The following STAT5B variants were observed in gnomAD, a reference collection of about 807,000 sequenced individuals.
STAT5B encodes the protein transcription factor STAT5B.
Under a neutral mutation model 107.8 loss-of-function variants are expected in STAT5B, and 21 were observed. The ratio of observed to expected loss-of-function variants is 0.19; its 90% CI spans 0.14 to 0.28. STAT5B has a LOEUF of 0.28. Among genes scored for constraint, STAT5B ranks in the 10% least tolerant of loss-of-function variants. The probability of loss-of-function intolerance (pLI) is 1.00; values close to 1 mark genes in which losing one functional copy is unlikely to be tolerated. For missense variants in STAT5B, 565 were observed against 1,008.2 expected (o/e 0.56, Z 5.95); for synonymous variants, 325 against 401.7 (o/e 0.81, Z 2.28).
chr17:42,280,983 A>T (rs1187246340), upstream of STAT5B, among the ~76,000 whole-genome samples: 1 of 151,676 alleles, frequency 6.6e-6, no homozygotes, highest in African/African-American at 2.4e-5. Flanking sequence ...AAATACCAAA[A>T]ATTAGCCGGG....
In STAT5B at chr17:42,207,579, C is replaced by A; in HGVS notation, c.2056G>T (p.Val686Phe). ...DEVYSKYYTP[V>F]PCESATAKAV... ...TTACCAGTAGCAGACTCGCAGGGAACTGGTGTGTAGTATTTGGAGTATACT... is the reference window on the plus strand; with the variant it reads ...TTACCAGTAGCAGACTCGCAGGGAAATGGTGTGTAGTATTTGGAGTATACT... The change falls in exon 16 of 19, where the codon GTT (valine) becomes TTT (phenylalanine). Residue 686 changes from valine (V) to phenylalanine (F), a missense_variant. Val to Phe is a conservative substitution (Grantham distance 50, BLOSUM62 -1). This residue lies in a region of STAT5B where 38 missense variants were observed against 79.5 expected (regional missense o/e 0.48). Transcript: ENST00000293328. 6.2e-7 allele frequency: 1 copy of A among 1,613,734 alleles called. No individual in the cohort carries two copies. Among genetic ancestry groups the A allele is most frequent in the African/African-American group, 1.3e-5 (1 of 74,856 alleles).
chr17:42,288,006 C>A, the STAT5B span: 1 of 152,210 alleles, frequency 6.6e-6, no homozygotes, highest in East Asian at 1.9e-4. The surrounding 1 kb of genome is among the most constrained non-coding windows in gnomAD (Gnocchi z 4.8). Flanking sequence ...CACACATGCG[C>A]ACACACGCGC....
At position 42,202,805 on chromosome 17, in the gene STAT5B, T is replaced by C. The variant is rs1335892852; in HGVS notation, c.2081A>G (p.Lys694Arg). Residue 694 changes from lysine to arginine, a missense_variant, in exon 17 of 19, where the codon AAA (lysine) becomes AGA (arginine). Around this residue, in one of 11 missense-constraint regions of STAT5B, gnomAD observed 38 missense variants for 79.5 expected, o/e 0.48. Coordinates refer to ENST00000293328, the MANE Select transcript of STAT5B (RefSeq NM_012448.4). ...TGGCTTCACGTATCCATCAACAGCT[T>C]TAGCTGCCAAGGGAAGAATGTAGTA... Reference protein sequence around the residue: ...TPVPCESATAKAVDGYVKPQI... With the variant: ...TPVPCESATARAVDGYVKPQI... 1 of 1,614,192 alleles carries C rather than the reference T, an allele frequency of 6.2e-7. No homozygotes were observed. The highest frequency in any genetic ancestry group is 8.5e-7 in the Non-Finnish European group (1 of 1,180,036).
At chr17:42,232,809 C>T (rs1225933168) in intron 1 of STAT5B, among the ~76,000 whole-genome samples, 1 of 149,674 alleles carries the variant, frequency 6.7e-6, no homozygotes, top group Admixed American at 6.7e-5. Context: ...TGGTAAGCAG[C>T]ATTTCAACAG....
At chr17:42,280,450 C>CA (rs760407108), upstream of STAT5B, among the ~76,000 whole-genome samples, 17 of 152,162 alleles carry the variant, frequency 1.1e-4, no homozygotes, top group Non-Finnish European at 1.8e-4. Context: ...TCACTGAAGC[C>CA]ACAACCATGA....
intron 1 of STAT5B, among the ~76,000 whole-genome samples, chr17:42,248,788 AG>A (rs2080474349): frequency 6.6e-6 from 1 of 152,234 alleles, no homozygotes; most frequent in African/African-American, 2.4e-5. Context: ...TCCTTCCAAA[AG>A]GTCAGCTGCC....
upstream of STAT5B, among the ~76,000 whole-genome samples, chr17:42,281,306 A>T (rs2080795041): frequency 6.6e-6 from 1 of 152,194 alleles, no homozygotes; most frequent in Non-Finnish European, 1.5e-5. Context: ...AAATGCACAA[A>T]AGACCCCAGC....
chr17:42,220,730 C>T (rs1351820447), intron 5 of STAT5B, among the ~76,000 whole-genome samples: 1 of 152,128 alleles, frequency 6.6e-6, no homozygotes, highest in Non-Finnish European at 1.5e-5. Flanking sequence ...CCCTCCACAC[C>T]ATCTGTGAGG....
chr17:42,231,186 T>A (rs1033039182), intron 2 of STAT5B, among the ~76,000 whole-genome samples: 4 of 152,168 alleles, frequency 2.6e-5, no homozygotes, highest in Admixed American at 2.0e-4. Context: ...TATTATTATT[T>A]TTTGACATAG....
In STAT5B at chr17:42,218,270, G is replaced by A; in HGVS notation, c.1050C>T (p.Ala350=). 1 of 1,614,146 alleles carries A rather than the reference G, an allele frequency of 6.2e-7. No individual in the cohort carries two copies. Among genetic ancestry groups the A allele is most frequent in the Non-Finnish European group, 8.5e-7 (1 of 1,180,028 alleles). ...TCCCGCCCACCAGCAGGCGCACAGT[G>A]GCTGCAAACTTGGTCTGGGTCTTCA... ...QVLKTQTKFA[A]TVRLLVGGKL... Residue 350 remains alanine, a synonymous_variant, in exon 9 of 19, where the codon GCC becomes GCT. Transcript: ENST00000293328.
In STAT5B at chr17:42,231,850, AG is replaced by A. The variant is rs1229937375; in HGVS notation, c.128+149del. 7.4e-6 allele frequency: 9 copies of A among 1,208,618 alleles called. No individual in the cohort carries two copies. The African/African-American group carries it at 1.4e-4, about 19-fold the overall frequency. 74.9% of individuals were successfully genotyped at this position (1,208,618 alleles called of 1,614,324 possible). On this transcript the variant is annotated intron_variant, in intron 2 of 18. Transcript: ENST00000293328. Reference sequence around the variant, plus strand: ...GCTTAAATACCTTTCACCTATAAAAAGAAAAAAAATTTTAAATACCTTTTTA... The same window carrying A: ...GCTTAAATACCTTTCACCTATAAAAAAAAAAAAATTTTAAATACCTTTTTA...
chr17:42,260,174 C>T (rs918987028), intron 1 of STAT5B, among the ~76,000 whole-genome samples: 1 of 152,168 alleles, frequency 6.6e-6, no homozygotes, highest in Non-Finnish European at 1.5e-5. Context: ...AACCTGGAAA[C>T]TGGTGTTCAA....
chr17:42,277,121 C>T (rs1212282395), upstream of STAT5B, among the ~76,000 whole-genome samples: 1 of 152,182 alleles, frequency 6.6e-6, no homozygotes, highest in East Asian at 1.9e-4. Context: ...CTGTAGGATC[C>T]AGGGGAAGGG....
intron 1 of STAT5B, among the ~76,000 whole-genome samples, chr17:42,256,360 C>T (rs1418177103): frequency 6.6e-6 from 1 of 152,094 alleles, no homozygotes; most frequent in Non-Finnish European, 1.5e-5. Context: ...GGATTATAGG[C>T]ATGAGCCACT....
chr17:42,261,657 C>T (rs558124008), intron 1 of STAT5B, among the ~76,000 whole-genome samples: 1 of 152,150 alleles, frequency 6.6e-6, no homozygotes, highest in African/African-American at 2.4e-5. Flanking sequence ...GCCTCCTGGG[C>T]TCAAGCCATC....
At chr17:42,274,646 T>C (rs1233920590) in intron 1 of STAT5B, among the ~76,000 whole-genome samples, 3 of 152,178 alleles carry the variant, frequency 2.0e-5, no homozygotes, top group Non-Finnish European at 4.4e-5. Context: ...CACTCCAATA[T>C]TTACAGTGTT....
At chr17:42,260,547 T>C (rs185721229) in intron 1 of STAT5B, among the ~76,000 whole-genome samples, 30 of 152,128 alleles carry the variant, frequency 2.0e-4, no homozygotes, top group African/African-American at 7.2e-4. Flanking sequence ...TAGCTGGGAC[T>C]ATAGGTGCAC....
intron 15 of STAT5B, among the ~76,000 whole-genome samples, chr17:42,208,171 C>T (rs1028157800): frequency 1.7e-4 from 26 of 152,172 alleles, no homozygotes; most frequent in African/African-American, 5.3e-4. Flanking sequence ...GGATTACAGG[C>T]GTGAGCCACC....
chr17:42,287,195 G>A, the STAT5B span, among the ~76,000 whole-genome samples: 477 of 150,372 alleles, frequency 3.2e-3, 2 homozygotes, highest in African/African-American at 0.011. Flanking sequence ...CAGCTTTGAA[G>A]TTCTTTTTTT....
Sources: allele counts gnomAD v4.1 joint callset (sites outside exome capture counted in the v4.1 genomes callset), GRCh38; gene constraint gnomAD v4.1.1; regional missense constraint gnomAD v4.1.1; non-coding constraint Gnocchi (gnomAD v3.1); transcripts MANE v1.5; gene names NCBI Gene and HGNC (gene_info 2026-07-23, HGNC 2026-07-21).